Variants in FBXL13 observed in about 807,000 individuals in gnomAD.
FBXL13 encodes the protein F-box and leucine rich repeat protein 13.
A neutral mutation model predicts 83.6 loss-of-function variants in FBXL13; 67 were observed. The observed-to-expected ratio is 0.80, with a 90% CI of 0.66 to 0.98. FBXL13 has a LOEUF of 0.98. FBXL13 is among the 50% of genes least tolerant of loss of function. The probability of loss-of-function intolerance (pLI) is 0.00; values close to 1 mark genes in which losing one functional copy is unlikely to be tolerated. For missense variants in FBXL13, 822 were observed against 866.5 expected (o/e 0.95, Z 0.64); for synonymous variants, 272 against 299.5 (o/e 0.91, Z 0.95).
intron 6 of FBXL13, among the ~76,000 whole-genome samples, chr7:103,012,246 A>G (rs1791717779): frequency 6.6e-6 from 1 of 152,042 alleles, no homozygotes; most frequent in Non-Finnish European, 1.5e-5. Context: ...GTGGTGGCAC[A>G]TGCTTGTAAT....
chr7:102,909,283 T>C (rs1287049725), intron 11 of FBXL13, among the ~76,000 whole-genome samples: 1 of 151,942 alleles, frequency 6.6e-6, no homozygotes, highest in Non-Finnish European at 1.5e-5. Context: ...CTGGGACTCA[T>C]CCTTCAGGGC....
intron 10 of FBXL13, among the ~76,000 whole-genome samples, chr7:102,915,107 A>G (rs1815570824): frequency 6.6e-6 from 1 of 150,946 alleles, no homozygotes; most frequent in South Asian, 2.1e-4. Context: ...TCATTTGTTA[A>G]GTGGAGATTA....
intron 14 of FBXL13, among the ~76,000 whole-genome samples, chr7:102,880,955 C>G (rs1809961288): frequency 6.6e-6 from 1 of 152,142 alleles, no homozygotes; most frequent in Non-Finnish European, 1.5e-5. Flanking sequence ...GCTGGCTATT[C>G]ACTATTCATC....
chr7:102,912,684 C>CAA (rs1554452561), intron 11 of FBXL13, among the ~76,000 whole-genome samples: 4 of 114,512 alleles, frequency 3.5e-5, no homozygotes, highest in South Asian at 2.8e-4. Flanking sequence ...CCCCCCCCCC[C>CAA]AAAAAAAAAC....
chr7:102,886,813 G>A (rs1810859977), intron 11 of FBXL13, among the ~76,000 whole-genome samples: 1 of 152,112 alleles, frequency 6.6e-6, no homozygotes, highest in South Asian at 2.1e-4. Flanking sequence ...TATAGCTATT[G>A]AAATAAAAAG....
chr7:102,816,969 T>C (rs1395336068), intron 19 of FBXL13, among the ~76,000 whole-genome samples: 1 of 152,246 alleles, frequency 6.6e-6, no homozygotes, highest in African/African-American at 2.4e-5. Flanking sequence ...TAGCATCCCA[T>C]GGTCTGAATG....
intron 10 of FBXL13, among the ~76,000 whole-genome samples, chr7:102,915,194 C>G (rs1815606197): frequency 1.4e-5 from 2 of 146,808 alleles, no homozygotes; most frequent in Non-Finnish European, 3.0e-5. Flanking sequence ...GTTTTCTCAT[C>G]TGGAACATGG....
intron 8 of FBXL13, among the ~76,000 whole-genome samples, chr7:102,957,939 G>A (rs1585128768): frequency 6.6e-6 from 1 of 152,182 alleles, no homozygotes; most frequent in East Asian, 1.9e-4. Context: ...TCGTTGGTTG[G>A]AGTGTAAATT....
In FBXL13 at chr7:102,875,906, G is replaced by T. The variant is rs149639313; in HGVS notation, c.1635+1561C>A. On this transcript the variant is annotated intron_variant, in intron 16 of 19. Transcript: ENST00000313221. Reference sequence around the variant, plus strand: ...ACACTAAGGAAATGCAGCTGATGATGATGATGCAAAGAAAGGTAGAGGAAA... The same window carrying T: ...ACACTAAGGAAATGCAGCTGATGATTATGATGCAAAGAAAGGTAGAGGAAA... Among the ~76,000 whole-genome samples the T allele has an allele frequency of 3.7e-3, 566 of 152,244 alleles. 5 individuals are homozygous for T. The highest frequency in any genetic ancestry group is 0.013 in the African/African-American group (559 of 41,538).
intron 16 of FBXL13, among the ~76,000 whole-genome samples, chr7:102,868,126 A>G (rs915077143): frequency 1.3e-5 from 2 of 152,342 alleles, no homozygotes; most frequent in South Asian, 2.1e-4. Context: ...TAGCATATCT[A>G]TCACCTCATT....
At chr7:102,964,020 C>A (rs1413647259) in intron 7 of FBXL13, among the ~76,000 whole-genome samples, 4 of 152,068 alleles carry the variant, frequency 2.6e-5, no homozygotes, top group African/African-American at 9.7e-5. Context: ...CAAATTGAAA[C>A]CACAATGAGG....
At chr7:103,061,625 G>A (rs1332500820) in intron 1 of FBXL13, among the ~76,000 whole-genome samples, 2 of 151,912 alleles carry the variant, frequency 1.3e-5, no homozygotes, top group Admixed American at 6.6e-5. Flanking sequence ...TGACAAATAC[G>A]TGCAGCAATT....
At chr7:102,833,977 C>T (rs911467719) in intron 17 of FBXL13, among the ~76,000 whole-genome samples, 8 of 146,658 alleles carry the variant, frequency 5.5e-5, no homozygotes, top group Middle Eastern at 3.4e-3. Flanking sequence ...TAAACCTAAC[C>T]GTAATTGTAA....
At chr7:103,012,643 G>A (rs1791776830) in intron 6 of FBXL13, among the ~76,000 whole-genome samples, 1 of 152,120 alleles carries the variant, frequency 6.6e-6, no homozygotes, top group African/African-American at 2.4e-5. Flanking sequence ...CCTTACAAGA[G>A]GTCCTGAAGA....
At chr7:102,985,352 A>G (rs1563187193) in intron 6 of FBXL13, among the ~76,000 whole-genome samples, 1 of 152,176 alleles carries the variant, frequency 6.6e-6, no homozygotes, top group Non-Finnish European at 1.5e-5. Flanking sequence ...CCTGGTGGCT[A>G]TGCTCCTGAG....
At chr7:103,063,665 C>G (rs1181076166) in intron 1 of FBXL13, among the ~76,000 whole-genome samples, 1 of 150,388 alleles carries the variant, frequency 6.6e-6, no homozygotes, top group African/African-American at 2.4e-5. Flanking sequence ...TGGAAATTTT[C>G]TCAGTCACCC....
chr7:103,034,354 C>G (rs531108795), intron 2 of FBXL13, among the ~76,000 whole-genome samples: 1 of 152,218 alleles, frequency 6.6e-6, no homozygotes, highest in African/African-American at 2.4e-5. Context: ...GGGGGAGGCT[C>G]AGGCATGGCG....
At position 102,982,662 on chromosome 7, in the gene FBXL13, C is replaced by T. The variant is rs558181070; in HGVS notation, c.496-14545G>A. Reference sequence around the variant, plus strand: ...AGTTTTATAAATGGAAGTTCCTCTGCACAAGCTCTCTTGCCTGCCACCATG... The same window carrying T: ...AGTTTTATAAATGGAAGTTCCTCTGTACAAGCTCTCTTGCCTGCCACCATG... On this transcript the variant is annotated intron_variant, in intron 6 of 19. Transcript: ENST00000313221. 3.9e-5 allele frequency among the ~76,000 whole-genome samples: 6 copies of T among 152,312 alleles called. No individual in the cohort carries two copies. In the South Asian group the frequency reaches 1.2e-3, roughly 32 times the overall value.
At chr7:102,989,450 T>A (rs1298415522) in intron 6 of FBXL13, among the ~76,000 whole-genome samples, 1 of 152,188 alleles carries the variant, frequency 6.6e-6, no homozygotes, top group East Asian at 1.9e-4. Context: ...CTAGAAACAC[T>A]TTAGAAACAC....
Sources: gnomAD v4.1 joint callset for allele counts (sites outside exome capture counted in the v4.1 genomes callset) on GRCh38, gnomAD v4.1.1 for gene constraint, MANE v1.5 for transcripts, NCBI Gene and HGNC (gene_info 2026-07-23, HGNC 2026-07-21) for gene names.